MIA2: variants seen among roughly 807,000 people sequenced by gnomAD.
MIA2 encodes MIA SH3 domain ER export factor 2.
In MIA2, 127 loss-of-function variants were observed where a neutral mutation model predicts 167.8. The observed-to-expected ratio is 0.76, with a 90% CI of 0.66 to 0.88. The LOEUF (loss-of-function observed/expected upper bound fraction) is 0.88. MIA2 is among the 40% of genes least tolerant of loss of function. The probability of loss-of-function intolerance (pLI) is 0.00; values close to 1 mark genes in which losing one functional copy is unlikely to be tolerated. For missense variants in MIA2, 1,690 were observed against 1,624.7 expected (o/e 1.04, Z -0.69); for synonymous variants, 552 against 541.9 (o/e 1.02, Z -0.26).
At chr14:39,242,740 C>G (rs962770233) in intron 3 of MIA2, among the ~76,000 whole-genome samples, 2 of 152,172 alleles carry the variant, frequency 1.3e-5, no homozygotes, top group Non-Finnish European at 2.9e-5. Flanking sequence ...GTCAAGTTCC[C>G]TGGGAAACAG....
intron 7 of MIA2, among the ~76,000 whole-genome samples, chr14:39,278,911 A>G (rs940730098): frequency 3.3e-5 from 5 of 152,204 alleles, no homozygotes; most frequent in Admixed American, 6.5e-5. Context: ...CTGTAATCCC[A>G]GCACTTTGGG....
intron 6 of MIA2, among the ~76,000 whole-genome samples, chr14:39,271,106 C>T (rs2057062792): frequency 1.3e-5 from 2 of 152,128 alleles, no homozygotes; most frequent in East Asian, 1.9e-4. Flanking sequence ...GGAAGTTCTT[C>T]GATCCACTTT....
At chr14:39,278,197 C>T (rs1202057032) in intron 7 of MIA2, among the ~76,000 whole-genome samples, 1 of 152,100 alleles carries the variant, frequency 6.6e-6, no homozygotes, top group African/African-American at 2.4e-5. Flanking sequence ...CTCCTGGCCT[C>T]AAGTGATCTG....
intron 1 of MIA2, among the ~76,000 whole-genome samples, 192 bp downstream of exon 1, chr14:39,234,421 ACAAATAG>A (rs949583376): frequency 6.6e-6 from 1 of 152,264 alleles, no homozygotes; most frequent in Non-Finnish European, 1.5e-5. Context: ...ATACAAATAT[ACAAATAG>A]CAAAAATCAG....
At chr14:39,342,346 A>AT (rs1173283016) in intron 25 of MIA2, among the ~76,000 whole-genome samples, 2 of 152,004 alleles carry the variant, frequency 1.3e-5, no homozygotes, top group Non-Finnish European at 1.5e-5. Context: ...TGAACTCATC[A>AT]TTTTTTATGG....
intron 23 of MIA2, among the ~76,000 whole-genome samples, chr14:39,360,127 C>A (rs1350205241): frequency 3.3e-5 from 5 of 151,726 alleles, no homozygotes; most frequent in African/African-American, 4.8e-5. Context: ...TGTGATGAAA[C>A]CCTGTCTCTA....
chr14:39,282,388 T>G (rs904341839), intron 9 of MIA2, among the ~76,000 whole-genome samples: 2 of 152,224 alleles, frequency 1.3e-5, no homozygotes, highest in Non-Finnish European at 2.9e-5. Context: ...GATACGTGTA[T>G]AGTAAATGGT....
intron 25 of MIA2, among the ~76,000 whole-genome samples, chr14:39,328,474 A>G (rs2068047101): frequency 6.6e-6 from 1 of 152,064 alleles, no homozygotes; most frequent in Non-Finnish European, 1.5e-5. Context: ...GTTTAATTAT[A>G]TCTCATGTGT....
chr14:39,286,696 C>CT (rs35159773), intron 9 of MIA2, among the ~76,000 whole-genome samples: 118,328 of 142,466 alleles, frequency 0.83, 49,546 homozygotes, highest in Non-Finnish European at 0.88. Flanking sequence ...TTCCTTCTTA[C>CT]TTTTTTTTTT....
intron 1 of MIA2, among the ~76,000 whole-genome samples, chr14:39,235,939 T>C (rs907024450): frequency 6.6e-6 from 1 of 152,172 alleles, no homozygotes; most frequent in Admixed American, 6.5e-5. Context: ...AATAAAAATA[T>C]CTTATTTTAC....
At chr14:39,267,565 G>C (rs1465629960) in intron 6 of MIA2, 3 of 1,604,596 alleles carry the variant, frequency 1.9e-6, no homozygotes, top group Non-Finnish European at 2.6e-6. Context: ...CAGGGGTCGC[G>C]GGAGCCGCCG....
chr14:39,260,589 T>C (rs1279243856), intron 6 of MIA2, among the ~76,000 whole-genome samples: 2 of 152,376 alleles, frequency 1.3e-5, no homozygotes, highest in African/African-American at 2.4e-5. Context: ...TTAAGTTCTT[T>C]GCAGATTCTG....
At chr14:39,350,866 T>G (rs903716072), downstream of MIA2, 3 of 152,156 alleles carry the variant, frequency 2.0e-5, no homozygotes, top group African/African-American at 7.2e-5. Context: ...TCAAAATTGA[T>G]TATATTTTAA....
chr14:39,265,695 C>T (rs943451073), intron 6 of MIA2: 3 of 312,054 alleles, frequency 9.6e-6, no homozygotes, highest in South Asian at 6.5e-5. Flanking sequence ...TGGAGTCTTC[C>T]GAAAATGTTC....
Position 39,247,798 on chromosome 14 carries a change from A to G in MIA2, c.1224A>G (p.Ala408=), listed in dbSNP as rs17109049. ...DDRKNEEDGG[A]DEHEHPLTSE... is the part of the protein sequence containing the mutation. ...GGAAAAATGAAGAAGATGGTGGGGC[A>G]GATGAACATGAACATCCTCTAACAA... Residue 408 remains alanine, a synonymous_variant, in exon 4 of 29, where the codon GCA becomes GCG. Coordinates refer to ENST00000640607, the MANE Select transcript of MIA2 (RefSeq NM_001329214.4). 0.014 allele frequency: 22,271 copies of G among 1,612,478 alleles called. 2,536 individuals are homozygous for G. The African/African-American group carries it at 0.25, about 18-fold the overall frequency.
chr14:39,252,696 C>T, intron 4 of MIA2, 52 bp from the exon 5 acceptor site: 1 of 1,429,350 alleles, frequency 7.0e-7, no homozygotes, highest in Middle Eastern at 2.1e-4. Context: ...AAGGGGAGCC[C>T]TCAACAAAGC....
At chr14:39,338,404 A>T (rs1566978836) in intron 25 of MIA2, among the ~76,000 whole-genome samples, 1 of 152,366 alleles carries the variant, frequency 6.6e-6, no homozygotes, top group South Asian at 2.1e-4. Context: ...CATACAGGGA[A>T]GTACAAATAT....
chr14:39,305,479 C>G (rs2152902193), intron 17 of MIA2, among the ~76,000 whole-genome samples: 1 of 152,246 alleles, frequency 6.6e-6, no homozygotes, highest in East Asian at 1.9e-4. Context: ...TCTCCTTGTA[C>G]TCTTCTTTCA....
chr14:39,297,666 C>CGT (rs71435638), intron 13 of MIA2, among the ~76,000 whole-genome samples: 36,412 of 140,090 alleles, frequency 0.26, 5,207 homozygotes, highest in Non-Finnish European at 0.34. Context: ...TAGGGTTTTG[C>CGT]GTGTGTGTGT....
Sources: gnomAD v4.1 joint callset for allele counts (sites outside exome capture counted in the v4.1 genomes callset) on GRCh38, gnomAD v4.1.1 for gene constraint, MANE v1.5 for transcripts, NCBI Gene and HGNC (gene_info 2026-07-23, HGNC 2026-07-21) for gene names.